ARHGAP24: variants seen among roughly 807,000 people sequenced by gnomAD.
The protein encoded by ARHGAP24 is rho GTPase-activating protein 24.
Under a neutral mutation model 76.4 loss-of-function variants are expected in ARHGAP24, and 50 were observed. The observed-to-expected ratio is 0.65, with a 90% CI of 0.52 to 0.83. The LOEUF (loss-of-function observed/expected upper bound fraction) is 0.83, where lower values mean the gene tolerates loss of function less well. Among genes scored for constraint, ARHGAP24 ranks in the 40% least tolerant of loss-of-function variants. The pLI, the probability that ARHGAP24 is intolerant of heterozygous loss-of-function variation, is 0.00. For synonymous variants in ARHGAP24, 345 were observed against 323.3 expected, an observed-to-expected ratio of 1.07 and a Z score of -0.72; for missense variants, 930 against 914.2, an observed-to-expected ratio of 1.02 and a Z score of -0.22.
At chr4:85,921,654 TC>T (rs1377168040) in intron 3 of ARHGAP24, among the ~76,000 whole-genome samples, 3 of 152,070 alleles carry the variant, frequency 2.0e-5, no homozygotes, top group Non-Finnish European at 4.4e-5. Flanking sequence ...GACTTCGAAA[TC>T]TATGCTTTTT....
chr4:85,580,696 C>T (rs897542707), intron 2 of ARHGAP24, among the ~76,000 whole-genome samples: 1 of 152,138 alleles, frequency 6.6e-6, no homozygotes, highest in East Asian at 1.9e-4. Flanking sequence ...CTCCAGTAGC[C>T]AGTGACTGCT....
At chr4:85,556,288 C>G (rs1578032415) in intron 1 of ARHGAP24, among the ~76,000 whole-genome samples, 1 of 152,156 alleles carries the variant, frequency 6.6e-6, no homozygotes, top group South Asian at 2.1e-4. Flanking sequence ...TTGGTTGCCT[C>G]TGGGATCACC....
intron 8 of ARHGAP24, among the ~76,000 whole-genome samples, chr4:85,989,332 C>T (rs112726804): frequency 0.03 from 4,582 of 151,512 alleles, 109 homozygotes; most frequent in Middle Eastern, 0.075. Flanking sequence ...AACCAAAGCT[C>T]CCTCAAGATT....
intron 3 of ARHGAP24, among the ~76,000 whole-genome samples, chr4:85,727,429 C>A (rs898291769): frequency 2.6e-5 from 4 of 151,780 alleles, no homozygotes; most frequent in Non-Finnish European, 4.4e-5. Context: ...ATAGAGATGC[C>A]CACTTACAGT....
intron 2 of ARHGAP24, among the ~76,000 whole-genome samples, chr4:85,705,244 T>C (rs1724268822): frequency 1.3e-5 from 2 of 152,086 alleles, no homozygotes; most frequent in African/African-American, 2.4e-5. Context: ...TTATATAGGA[T>C]ATATTTAAAA....
chr4:85,666,614 A>G (rs958972789), intron 2 of ARHGAP24, among the ~76,000 whole-genome samples: 3 of 151,930 alleles, frequency 2.0e-5, no homozygotes, highest in Admixed American at 1.3e-4. Flanking sequence ...TTTTTTCCCC[A>G]TCTTTGTGGG....
intron 3 of ARHGAP24, among the ~76,000 whole-genome samples, chr4:85,860,392 A>G (rs1327625904): frequency 2.6e-5 from 4 of 152,254 alleles, no homozygotes; most frequent in Non-Finnish European, 2.9e-5. Flanking sequence ...AATGCTAAAT[A>G]CACATCATAT....
At chr4:85,612,557 A>G (rs1400002876) in intron 2 of ARHGAP24, among the ~76,000 whole-genome samples, 1 of 152,078 alleles carries the variant, frequency 6.6e-6, no homozygotes, top group African/African-American at 2.4e-5. Flanking sequence ...GCTGTATACT[A>G]AAAGGAATGC....
At chr4:85,767,806 C>T (rs1054449641) in intron 3 of ARHGAP24, among the ~76,000 whole-genome samples, 2 of 152,132 alleles carry the variant, frequency 1.3e-5, no homozygotes, top group African/African-American at 2.4e-5. Context: ...GAGAGTTAAA[C>T]TCTGTTACCC....
chr4:85,702,957 A>G (rs886178131), intron 2 of ARHGAP24, among the ~76,000 whole-genome samples: 2 of 152,108 alleles, frequency 1.3e-5, no homozygotes, highest in African/African-American at 4.8e-5. Flanking sequence ...AGAGAAAGGC[A>G]AAGGTGGAGG....
chr4:85,947,851 T>C (rs967106618), intron 5 of ARHGAP24, among the ~76,000 whole-genome samples: 1 of 152,220 alleles, frequency 6.6e-6, no homozygotes. Flanking sequence ...TATACAGTTT[T>C]AACATTTGAG....
chr4:85,756,514 A>T (rs1298819872), intron 3 of ARHGAP24, among the ~76,000 whole-genome samples: 2 of 152,226 alleles, frequency 1.3e-5, no homozygotes, highest in Admixed American at 6.5e-5. Context: ...AAAGTATAAG[A>T]ATCAGAGTTT....
chr4:85,857,063 A>T (rs1731619539), intron 3 of ARHGAP24, among the ~76,000 whole-genome samples: 1 of 152,150 alleles, frequency 6.6e-6, no homozygotes, highest in South Asian at 2.1e-4. Context: ...ATAAGCAATT[A>T]CTCAATAATA....
chr4:85,748,630 A>G (rs1453504233), intron 3 of ARHGAP24, among the ~76,000 whole-genome samples: 2 of 152,244 alleles, frequency 1.3e-5, no homozygotes, highest in Non-Finnish European at 2.9e-5. Context: ...TAAGAAACTG[A>G]TATATGATGC....
intron 2 of ARHGAP24, among the ~76,000 whole-genome samples, chr4:85,622,179 G>A (rs1201151271): frequency 6.6e-6 from 1 of 151,846 alleles, no homozygotes; most frequent in African/African-American, 2.4e-5. Flanking sequence ...TATGGTCCAT[G>A]TTGGTGTGCT....
chr4:85,999,987 G>C (rs2148876020), intron 9 of ARHGAP24: 1 of 163,482 alleles, frequency 6.1e-6, no homozygotes, highest in Admixed American at 5.8e-5. Context: ...TCTATATGCT[G>C]CCAAAAACCC....
chr4:85,838,974 G>A (rs182538105), intron 3 of ARHGAP24, among the ~76,000 whole-genome samples: 3 of 152,236 alleles, frequency 2.0e-5, no homozygotes, highest in Non-Finnish European at 2.9e-5. Context: ...ATCAAAAATC[G>A]TAGCTCAGTT....
chr4:85,839,800 C>T (rs1164910059), intron 3 of ARHGAP24, among the ~76,000 whole-genome samples: 1 of 149,346 alleles, frequency 6.7e-6, no homozygotes, highest in African/African-American at 2.5e-5. Context: ...ATGCTTTTTA[C>T]TGGAGTTAAC....
intron 3 of ARHGAP24, among the ~76,000 whole-genome samples, chr4:85,868,675 T>C (rs920604111): frequency 6.6e-6 from 1 of 152,174 alleles, no homozygotes; most frequent in Non-Finnish European, 1.5e-5. Flanking sequence ...GTATGGACTT[T>C]AGTTAATAAT....
Sources: gnomAD v4.1 joint callset for allele counts (sites outside exome capture counted in the v4.1 genomes callset) on GRCh38, gnomAD v4.1.1 for gene constraint, MANE v1.5 for transcripts, NCBI Gene and HGNC (gene_info 2026-07-23, HGNC 2026-07-21) for gene names.